Variants in SLCO1A2 observed in about 807,000 individuals in gnomAD.
SLCO1A2 encodes OATP-1.
In SLCO1A2, 67 loss-of-function variants were observed where a neutral mutation model predicts 69.0. That is an observed-to-expected ratio of 0.97 (90% CI 0.80 to 1.19). The LOEUF (loss-of-function observed/expected upper bound fraction) is 1.19, where lower values mean the gene tolerates loss of function less well. Ranked by LOEUF, SLCO1A2 falls within the 50% of genes most tolerant of loss-of-function variation. SLCO1A2 has a pLI of 0.00. For missense variants in SLCO1A2, 787 were observed against 793.7 expected (o/e 0.99, Z 0.10); for synonymous variants, 260 against 265.9 (o/e 0.98, Z 0.22).
At chr12:21,395,487 G>C (rs946486436), upstream of SLCO1A2, 3 of 154,378 alleles carry the variant, frequency 1.9e-5, no homozygotes, top group Non-Finnish European at 2.9e-5. Context: ...GGTAAACAAA[G>C]CAGCTGTGAA....
At chr12:21,279,245 A>G (rs888978269) in intron 12 of SLCO1A2, among the ~76,000 whole-genome samples, 5 of 152,192 alleles carry the variant, frequency 3.3e-5, no homozygotes, top group Admixed American at 6.5e-5. Flanking sequence ...TCTAAGAGCT[A>G]TTTGCCTTAA....
At chr12:21,390,828 C>T (rs901596172) in intron 1 of SLCO1A2, among the ~76,000 whole-genome samples, 2 of 152,098 alleles carry the variant, frequency 1.3e-5, no homozygotes, top group Non-Finnish European at 2.9e-5. Context: ...TATGTAAAGT[C>T]CCTCTTAGAG....
At chr12:21,327,634 CT>C (rs1952337431) in intron 2 of SLCO1A2, among the ~76,000 whole-genome samples, 1 of 152,184 alleles carries the variant, frequency 6.6e-6, no homozygotes. Context: ...TAAGGTTTGA[CT>C]GCTCACTGGA....
At chr12:21,413,905 C>A (rs1221125468) in intron 1 of SLCO1A2, among the ~76,000 whole-genome samples, 1 of 152,218 alleles carries the variant, frequency 6.6e-6, no homozygotes, top group Non-Finnish European at 1.5e-5. Context: ...ACTCCGGTAC[C>A]ACAGCAGACA....
At position 21,265,359 on chromosome 12, in the gene SLCO1A2, G is replaced by C. The variant is rs1941963653; in HGVS notation, c.*4189C>G. 6.6e-6 allele frequency: 1 copy of C among 152,476 alleles called. No homozygotes were observed. Among genetic ancestry groups the C allele is most frequent in the African/African-American group, 2.4e-5 (1 of 41,462 alleles). 9.4% of individuals were successfully genotyped at this position (152,476 alleles called of 1,614,324 possible). A position where few individuals can be genotyped will look rare whatever the true frequency, so the allele number is the denominator to read the frequency against. On this transcript the variant is annotated 3_prime_UTR_variant, in exon 15 of 15. Coordinates refer to ENST00000683939, the MANE Select transcript of SLCO1A2 (RefSeq NM_001386879.1). ...GAAGGGATGGAAGGTGGTCTGGCTG[G>C]GAAGTCAAGAGATGGATTCCAGGTT...
chr12:21,302,852 C>T (rs1038947356), intron 6 of SLCO1A2, among the ~76,000 whole-genome samples: 9 of 151,608 alleles, frequency 5.9e-5, no homozygotes, highest in Non-Finnish European at 1.2e-4. Context: ...CCACCACACT[C>T]GGCTAATTTT....
intron 1 of SLCO1A2, among the ~76,000 whole-genome samples, chr12:21,407,246 G>C (rs146150496): frequency 1.3e-5 from 2 of 152,144 alleles, no homozygotes; most frequent in African/African-American, 2.4e-5. Flanking sequence ...CCCTTCAAGC[G>C]TGGGGATCAG....
intron 1 of SLCO1A2, among the ~76,000 whole-genome samples, chr12:21,414,925 G>C (rs988905217): frequency 2.0e-5 from 3 of 151,746 alleles, no homozygotes; most frequent in African/African-American, 7.3e-5. Context: ...TCATTATTTT[G>C]TACCTTAAAG....
chr12:21,411,875 G>A (rs567335339), intron 1 of SLCO1A2, among the ~76,000 whole-genome samples: 127 of 151,846 alleles, frequency 8.4e-4, no homozygotes, highest in African/African-American at 2.8e-3. Context: ...TTGTAGAGAC[G>A]GGGTTTTGCC....
chr12:21,374,369 C>G (rs570007733), intron 2 of SLCO1A2: 3 of 152,330 alleles, frequency 2.0e-5, no homozygotes, highest in African/African-American at 7.2e-5. Context: ...AACTTACACA[C>G]TCTTTAACAC....
chr12:21,357,000 CA>C (rs1414450543), intron 2 of SLCO1A2, among the ~76,000 whole-genome samples: 1 of 151,134 alleles, frequency 6.6e-6, no homozygotes, highest in African/African-American at 2.4e-5. Context: ...ATATTGACCA[CA>C]AAATAGTAAA....
chr12:21,345,542 A>T (rs7970493), intron 2 of SLCO1A2, among the ~76,000 whole-genome samples: 22,293 of 152,124 alleles, frequency 0.15, 2,053 homozygotes, highest in African/African-American at 0.26. Context: ...TAGGAATAGG[A>T]TTACAGTATC....
At chr12:21,325,249 T>C (rs1952127742) in intron 2 of SLCO1A2, among the ~76,000 whole-genome samples, 1 of 152,194 alleles carries the variant, frequency 6.6e-6, no homozygotes, top group African/African-American at 2.4e-5. Flanking sequence ...TTCAGTTTCA[T>C]AGTACTTGAT....
At chr12:21,354,052 AG>A (rs1386161380) in intron 2 of SLCO1A2, among the ~76,000 whole-genome samples, 1 of 152,212 alleles carries the variant, frequency 6.6e-6, no homozygotes, top group Non-Finnish European at 1.5e-5. Context: ...AGGTAACATT[AG>A]GGTTGTTTGA....
intron 2 of SLCO1A2, among the ~76,000 whole-genome samples, chr12:21,364,693 G>A (rs946587098): frequency 6.6e-6 from 1 of 152,160 alleles, no homozygotes; most frequent in African/African-American, 2.4e-5. Context: ...AGCAACTTCA[G>A]CAAAATCTCA....
At chr12:21,387,624 C>T (rs1157088730) in intron 1 of SLCO1A2, among the ~76,000 whole-genome samples, 2 of 152,196 alleles carry the variant, frequency 1.3e-5, no homozygotes, top group Non-Finnish European at 2.9e-5. Context: ...GTGGAAACAC[C>T]TGGATGTCCA....
At chr12:21,322,869 T>A (rs528863990) in intron 2 of SLCO1A2, among the ~76,000 whole-genome samples, 1 of 152,266 alleles carries the variant, frequency 6.6e-6, no homozygotes, top group South Asian at 2.1e-4. Flanking sequence ...TATTTTTGCT[T>A]TACATTCTCC....
At chr12:21,393,404 TA>T (rs1301047208) in intron 1 of SLCO1A2, among the ~76,000 whole-genome samples, 1 of 152,174 alleles carries the variant, frequency 6.6e-6, no homozygotes, top group Non-Finnish European at 1.5e-5. Flanking sequence ...CTGATTCTAT[TA>T]GATGCATAAT....
At chr12:21,347,895 A>G in intron 2 of SLCO1A2, among the ~76,000 whole-genome samples, 1 of 152,210 alleles carries the variant, frequency 6.6e-6, no homozygotes, top group East Asian at 1.9e-4. Context: ...ATAAACTTCA[A>G]AGAACTTTTA....
Sources: allele counts gnomAD v4.1 joint callset (sites outside exome capture counted in the v4.1 genomes callset), GRCh38; gene constraint gnomAD v4.1.1; transcripts MANE v1.5; gene names NCBI Gene and HGNC (gene_info 2026-07-23, HGNC 2026-07-21).